ACSBG1: variants seen among roughly 807,000 people sequenced by gnomAD.
The protein encoded by ACSBG1 is long-chain-fatty-acid--CoA ligase ACSBG1.
In ACSBG1, 39 loss-of-function variants were observed where a neutral mutation model predicts 80.2. That is an observed-to-expected ratio of 0.49 (90% CI 0.38 to 0.64). ACSBG1 has a LOEUF of 0.64. ACSBG1 is among the 30% of genes least tolerant of loss of function. The pLI is 0.00. For synonymous variants in ACSBG1, 392 were observed against 379.5 expected (o/e 1.03, Z -0.38); for missense variants, 828 against 966.4 (o/e 0.86, Z 1.90).
intron 8 of ACSBG1, 22 bp from the exon 9 acceptor site, chr15:78,180,958 G>A (rs1250405991): frequency 2.5e-6 from 4 of 1,606,772 alleles, no homozygotes; most frequent in South Asian, 1.1e-5. Context: ...AGAAGAGGCA[G>A]GCCTGTTGGG....
At position 78,180,939 on chromosome 15, in the gene ACSBG1, G is replaced by A; in HGVS notation, c.1072-3C>T. The A allele has an allele frequency of 6.2e-7, 1 of 1,613,224 alleles. No individual in the cohort carries two copies. The highest frequency in any genetic ancestry group is 1.3e-5 in the African/African-American group (1 of 75,052). The stretch of plus-strand genomic sequence containing the variant: ...CGCAGCGTGTTCACCAGGCTCCCCT[G>A]TTCACACCAGAAGAGGCAGGCCTGT... On this transcript the variant is annotated splice_region_variant and splice_polypyrimidine_tract_variant and intron_variant, in intron 8 of 13. Coordinates refer to ENST00000258873, the MANE Select transcript of ACSBG1 (RefSeq NM_015162.5).
intron 4 of ACSBG1, 67 bp from the exon 5 acceptor site, chr15:78,193,693 C>T: frequency 6.5e-7 from 1 of 1,550,044 alleles, no homozygotes; most frequent in Non-Finnish European, 8.7e-7. Context: ...CCCCCACCCC[C>T]ACATCTGTAG....
intron 13 of ACSBG1, chr15:78,171,840 C>T (rs2074826914): frequency 1.5e-5 from 3 of 196,768 alleles, no homozygotes; most frequent in Non-Finnish European, 3.1e-5. Context: ...GCTACATCTG[C>T]CTTTTCCTTG....
intron 1 of ACSBG1, among the ~76,000 whole-genome samples, chr15:78,217,809 C>T (rs556232814): frequency 6.6e-6 from 1 of 152,250 alleles, no homozygotes; most frequent in African/African-American, 2.4e-5. Context: ...TCGTGATCCG[C>T]CTGCCTCGGC....
rs1473827906 is a variant in ACSBG1, at chr15:78,170,839, TC to T, written c.*604del. On this transcript the variant is annotated 3_prime_UTR_variant, in exon 14 of 14. Coordinates refer to ENST00000258873, the MANE Select transcript of ACSBG1 (RefSeq NM_015162.5). ...TGCTCAATTGACAAAAAAAATCAGG[TC>T]CTTGTTGACAGTTCTGTTAAAAGGT... 1 of 152,946 alleles carries T rather than the reference TC, an allele frequency of 6.5e-6. No homozygotes were observed. 9.5% of individuals were successfully genotyped at this position (152,946 alleles called of 1,614,324 possible). A position where few individuals can be genotyped will look rare whatever the true frequency, so the allele number is the denominator to read the frequency against.
intron 10 of ACSBG1, among the ~76,000 whole-genome samples, chr15:78,179,186 C>A (rs145919282): frequency 3.9e-5 from 6 of 152,244 alleles, no homozygotes; most frequent in African/African-American, 1.2e-4. Context: ...CAACTCCTAC[C>A]CCAGCTGGCC....
chr15:78,207,573 A>C (rs2141366882), intron 2 of ACSBG1, among the ~76,000 whole-genome samples: 1 of 152,134 alleles, frequency 6.6e-6, no homozygotes, highest in African/African-American at 2.4e-5. Flanking sequence ...CAAGCCTCCA[A>C]AACAAACCTT....
rs200352319 is a variant in ACSBG1 at position 78,193,552 on chromosome 15, T to C, written c.617A>G (p.Asn206Ser). The C allele has an allele frequency of 5.5e-5, 89 of 1,613,524 alleles. 1 individual carries two copies. The highest frequency in any genetic ancestry group is 4.1e-4 in the South Asian group (37 of 91,014). The change falls in exon 5 of 14, where the codon AAT becomes AGT. Residue 206 changes from asparagine (N) to serine (S), a missense_variant. Asn to Ser is a conservative substitution (Grantham distance 46). Around this residue, in one of 3 missense-constraint regions of ACSBG1, gnomAD observed 356 missense variants for 363.5 expected, o/e 0.98. Transcript: ENST00000258873. ...CQYIAYDCCA[N>S]VIMVDTQKQL... ...CTTCTGCGTGTCGACCATGATGACATTGGCGCAGCAGTCATAAGCGATGTA... is the reference window on the plus strand; with the variant it reads ...CTTCTGCGTGTCGACCATGATGACACTGGCGCAGCAGTCATAAGCGATGTA...
At chr15:78,181,235 A>G (rs538005717) in intron 8 of ACSBG1, among the ~76,000 whole-genome samples, 98 of 152,302 alleles carry the variant, frequency 6.4e-4, no homozygotes, top group African/African-American at 2.3e-3. Flanking sequence ...TCCCCTCGGC[A>G]GCATATGGTT....
intron 1 of ACSBG1, chr15:78,212,449 T>G: frequency 2.4e-6 from 1 of 421,474 alleles, no homozygotes; most frequent in South Asian, 1.7e-5. Flanking sequence ...AAAAAAACCC[T>G]AAACCCAAGT....
At chr15:78,221,232 ATTAC>A (rs993569899) in intron 1 of ACSBG1, among the ~76,000 whole-genome samples, 13 of 152,018 alleles carry the variant, frequency 8.6e-5, no homozygotes, top group Non-Finnish European at 1.2e-4. Flanking sequence ...CTCAGTATTG[ATTAC>A]TATTTTCACT....
At position 78,172,845 on chromosome 15, in the gene ACSBG1, G is replaced by A. The variant is rs1034207606; in HGVS notation, c.2089+748C>T. Among the ~76,000 whole-genome samples the A allele has an allele frequency of 6.6e-6, 1 of 152,220 alleles. No individual in the cohort carries two copies. Among genetic ancestry groups the A allele is most frequent in the Non-Finnish European group, 1.5e-5 (1 of 68,034 alleles). ...TGCACCAGAGCCCTCTCCTGGTTCT[G>A]TGGGCAGTGGTCCGGAACAGCCTTA... On this transcript the variant is annotated intron_variant, in intron 13 of 13. Transcript: ENST00000258873. The surrounding 1 kb of genome is among the most constrained non-coding windows in gnomAD (Gnocchi z 4.1).
chr15:78,215,776 AAGAAAGAAAGAGAAAGAAAG>A lies in ACSBG1; in HGVS notation c.132-7694_132-7675del, dbSNP rs1161305047. Among the ~76,000 whole-genome samples, 8 of 144,126 alleles carry A rather than the reference AAGAAAGAAAGAGAAAGAAAG, an allele frequency of 5.6e-5. No homozygotes were observed. In the East Asian group the frequency reaches 1.6e-3, roughly 29 times the overall value. The allele number at this position is 144,126 out of a possible 152,430, so 94.6% of individuals were successfully genotyped here. On this transcript the variant is annotated intron_variant, in intron 1 of 13. Transcript: ENST00000258873. ...AAAGAAAGAAAGAAAGAAAGAAAGA[AAGAAAGAAAGAGAAAGAAAG>A]AGAGAAAGGAAGGATGGAAGGAAGG...
rs1025377096 is a variant in ACSBG1 at position 78,234,231 on chromosome 15, G to A, written c.131+140C>T. ...GACCAGTTCTTCCATCTTACGGATCGCCCAGATCCTTCCCTTCATTTCCCA... is the reference window on the plus strand; with the variant it reads ...GACCAGTTCTTCCATCTTACGGATCACCCAGATCCTTCCCTTCATTTCCCA... On this transcript the variant is annotated intron_variant, in intron 1 of 13. Transcript: ENST00000258873. 5.9e-5 allele frequency: 72 copies of A among 1,223,010 alleles called. No homozygotes were observed. In the Admixed American group the frequency reaches 1.1e-3, roughly 19 times the overall value. The allele number at this position is 1,223,010 out of a possible 1,614,324, so 75.8% of individuals were successfully genotyped here. A position where few individuals can be genotyped will look rare whatever the true frequency, so the allele number is the denominator to read the frequency against.
At chr15:78,181,920 G>A (rs769697403) in intron 8 of ACSBG1, 49 bp downstream of exon 8, 13 of 1,588,714 alleles carry the variant, frequency 8.2e-6, no homozygotes, top group Middle Eastern at 3.4e-4. Flanking sequence ...ACATGTGGAC[G>A]TGGCCTGGCA....
At chr15:78,185,516 T>G (rs1479651047) in intron 5 of ACSBG1, among the ~76,000 whole-genome samples, 1 of 152,162 alleles carries the variant, frequency 6.6e-6, no homozygotes, top group Non-Finnish European at 1.5e-5. Context: ...GGAAAAAAAT[T>G]ACTTGTGGGA....
intron 1 of ACSBG1, among the ~76,000 whole-genome samples, chr15:78,225,885 G>A (rs894379060): frequency 6.6e-6 from 1 of 152,188 alleles, no homozygotes; most frequent in Non-Finnish European, 1.5e-5. Context: ...AACCAGGGCT[G>A]CAGTCTTCAT....
At chr15:78,182,249 T>A in intron 7 of ACSBG1, 104 bp from the exon 8 acceptor site, 1 of 1,441,108 alleles carries the variant, frequency 6.9e-7, no homozygotes, top group Non-Finnish European at 9.3e-7. Context: ...GTGCCCCCTG[T>A]GGCGATTCTG....
chr15:78,212,438 GA>G (rs10706612), intron 1 of ACSBG1: 251,592 of 398,188 alleles, frequency 0.63, 80,007 homozygotes, highest in East Asian at 0.74. Flanking sequence ...CCAGCAGAAT[GA>G]AAAAAACCCT....
Sources: allele counts gnomAD v4.1 joint callset (sites outside exome capture counted in the v4.1 genomes callset), GRCh38; gene constraint gnomAD v4.1.1; regional missense constraint gnomAD v4.1.1; non-coding constraint Gnocchi (gnomAD v3.1); transcripts MANE v1.5; gene names NCBI Gene and HGNC (gene_info 2026-07-23, HGNC 2026-07-21).